Variants in CACNG2 observed in about 807,000 individuals in gnomAD.
The protein encoded by CACNG2 is calcium voltage-gated channel auxiliary subunit gamma 2.
Under a neutral mutation model 25.9 loss-of-function variants are expected in CACNG2, and 3 were observed. That is an observed-to-expected ratio of 0.12 (90% CI 0.05 to 0.30). The LOEUF is 0.30. Among genes scored for constraint, CACNG2 ranks in the 10% least tolerant of loss-of-function variants. The pLI is 1.00. For missense variants in CACNG2, 341 were observed against 432.5 expected (o/e 0.79, Z 1.88); for synonymous variants, 167 against 173.3 (o/e 0.96, Z 0.29).
At chr22:36,644,039 G>A (rs566260289) in intron 1 of CACNG2, among the ~76,000 whole-genome samples, 3 of 152,244 alleles carry the variant, frequency 2.0e-5, no homozygotes, top group South Asian at 2.1e-4. Context: ...TACATCAATG[G>A]TCCCTCGGTG....
intron 1 of CACNG2, among the ~76,000 whole-genome samples, chr22:36,638,157 C>T (rs897365996): frequency 4.5e-4 from 68 of 152,306 alleles, no homozygotes; most frequent in African/African-American, 1.4e-3. Context: ...GATCTCGCAC[C>T]CACCCATTTC....
At chr22:36,594,636 TGGA>T (rs1217222393) in intron 1 of CACNG2, among the ~76,000 whole-genome samples, 3 of 152,014 alleles carry the variant, frequency 2.0e-5, no homozygotes, top group African/African-American at 7.2e-5. Context: ...TGACACAAAG[TGGA>T]GAAGTCAGCC....
At chr22:36,597,091 C>T (rs1355683925) in intron 1 of CACNG2, among the ~76,000 whole-genome samples, 2 of 152,144 alleles carry the variant, frequency 1.3e-5, no homozygotes, top group African/African-American at 4.8e-5. Context: ...GGCACGATCT[C>T]AGCTCACTGC....
intron 1 of CACNG2, among the ~76,000 whole-genome samples, chr22:36,629,107 C>CT (rs1382463229): frequency 6.6e-6 from 1 of 152,236 alleles, no homozygotes; most frequent in African/African-American, 2.4e-5. Flanking sequence ...AGAATAAGGA[C>CT]TTAGGGGAAC....
chr22:36,690,371 A>AG (rs5845284), intron 1 of CACNG2, among the ~76,000 whole-genome samples: 152,225 of 152,298 alleles, frequency 1, 76,076 homozygotes, highest in Middle Eastern at 1. Flanking sequence ...TTTCCCCCCA[A>AG]GGAACCAAAA....
At chr22:36,610,410 A>T (rs1222188358) in intron 1 of CACNG2, among the ~76,000 whole-genome samples, 1 of 152,228 alleles carries the variant, frequency 6.6e-6, no homozygotes, top group African/African-American at 2.4e-5. Context: ...GGGAGGAATC[A>T]GTCCCCCAGA....
In CACNG2 at chr22:36,679,181, CCTTCCTTCCTTCCTTCCTTTCTTT is replaced by C. The variant is rs1180568965; in HGVS notation, c.211+23161_211+23184del. ...TCCTTCCTTCCTTCCTTCCTTCCTT[CCTTCCTTCCTTCCTTCCTTTCTTT>C]CTTTCTTTCTTTCTTTCTTTCTTTC... is the stretch of plus-strand genomic sequence containing the variant. On this transcript the variant is annotated intron_variant, in intron 1 of 3. Transcript: ENST00000300105. Among the ~76,000 whole-genome samples, 231 of 127,178 alleles carry C rather than the reference CCTTCCTTCCTTCCTTCCTTTCTTT, an allele frequency of 1.8e-3. 1 individual carries two copies. The highest frequency in any genetic ancestry group is 3.7e-3 in the Middle Eastern group (1 of 272). 83.4% of individuals were successfully genotyped at this position (127,178 alleles called of 152,430 possible).
At chr22:36,699,108 T>C (rs1937377546) in intron 1 of CACNG2, among the ~76,000 whole-genome samples, 1 of 152,264 alleles carries the variant, frequency 6.6e-6, no homozygotes, top group South Asian at 2.1e-4. Context: ...AGACTCTTAA[T>C]TCAGCTTTCT....
At chr22:36,673,792 T>C (rs78896200) in intron 1 of CACNG2, among the ~76,000 whole-genome samples, 1,954 of 152,208 alleles carry the variant, frequency 0.013, 22 homozygotes, top group South Asian at 0.025. Flanking sequence ...TACAAAGTAC[T>C]TTACAGTTTA....
At chr22:36,638,636 C>T (rs953182585) in intron 1 of CACNG2, among the ~76,000 whole-genome samples, 21 of 152,174 alleles carry the variant, frequency 1.4e-4, no homozygotes, top group Admixed American at 1.3e-3. Flanking sequence ...CTCTTTAGTA[C>T]CCTGCACTCT....
chr22:36,564,502 C>A lies in CACNG2; in HGVS notation c.821G>T (p.Ser274Ile). 7.4e-6 allele frequency: 12 copies of A among 1,614,084 alleles called. No homozygotes were observed. Among genetic ancestry groups the A allele is most frequent in the Non-Finnish European group, 1.0e-5 (12 of 1,179,988 alleles). The change falls in exon 4 of 4, where the codon AGC (serine) becomes ATC (isoleucine). Residue 274 changes from serine to isoleucine, a missense_variant. Ser to Ile is a moderately radical substitution (Grantham distance 142). Transcript: ENST00000300105. This position sits in a 1 kb window ranked among gnomAD's most constrained non-coding sequence, Gnocchi z 6.7. ...GGTGGCGGCCTTCAGGGGGTCCCTGCTGAGCGTGTACATGGAGATCTCCGT... is the reference window on the plus strand; with the variant it reads ...GGTGGCGGCCTTCAGGGGGTCCCTGATGAGCGTGTACATGGAGATCTCCGT... Reference protein sequence around the residue: ...PSTEISMYTLSRDPLKAATTP... With the variant: ...PSTEISMYTLIRDPLKAATTP...
chr22:36,564,569 C>A lies in CACNG2; in HGVS notation c.754G>T (p.Ala252Ser), dbSNP rs1292241207. Residue 252 changes from alanine to serine, a missense_variant, in exon 4 of 4, where the codon GCC becomes TCC. By Grantham distance (99) the Ala-to-Ser change is moderately conservative. Around this residue, in one of 2 missense-constraint regions of CACNG2, gnomAD observed 172 missense variants for 178.1 expected, o/e 0.97. Transcript: ENST00000300105. The surrounding 1 kb of genome is among the most constrained non-coding windows in gnomAD (Gnocchi z 6.7). Reference protein sequence around the residue: ...RSTEPSHSRDASPVGIKGFNT... With the variant: ...RSTEPSHSRDSSPVGIKGFNT... ...AAGCCCTTGATGCCCACGGGGGAGG[C>A]GTCCCTGGAGTGTGAGGGCTCCGTG... 2 of 1,613,888 alleles carry A rather than the reference C, an allele frequency of 1.2e-6. No homozygotes were observed. Among genetic ancestry groups the A allele is most frequent in the Non-Finnish European group, 1.7e-6 (2 of 1,179,974 alleles).
chr22:36,626,363 T>C (rs1027527458), intron 1 of CACNG2, among the ~76,000 whole-genome samples: 1 of 152,240 alleles, frequency 6.6e-6, no homozygotes, highest in Admixed American at 6.5e-5. Flanking sequence ...CATAACAGCA[T>C]TGACCTACCT....
chr22:36,646,315 T>C (rs1936523767), intron 1 of CACNG2, among the ~76,000 whole-genome samples: 4 of 152,060 alleles, frequency 2.6e-5, no homozygotes, highest in Non-Finnish European at 5.9e-5. Context: ...ACGCCTGGCA[T>C]ACTAAAAAAA....
chr22:36,635,457 A>G (rs1273645287), intron 1 of CACNG2, among the ~76,000 whole-genome samples: 1 of 152,146 alleles, frequency 6.6e-6, no homozygotes, highest in East Asian at 1.9e-4. Flanking sequence ...AACGAGGACA[A>G]AGATGCTTGT....
chr22:36,625,693 G>C (rs149481532), intron 1 of CACNG2, among the ~76,000 whole-genome samples: 40 of 152,256 alleles, frequency 2.6e-4, no homozygotes, highest in African/African-American at 5.5e-4. Context: ...TGGAGAAATC[G>C]TGTTTATCTT....
chr22:36,574,486 G>C (rs1345643094), intron 2 of CACNG2, among the ~76,000 whole-genome samples: 1 of 152,122 alleles, frequency 6.6e-6, no homozygotes, highest in East Asian at 1.9e-4. Context: ...AGTGAGTAGA[G>C]AGTAGGGGAG....
rs1048226025 is a variant in CACNG2, at chr22:36,678,342, G to A, written c.211+24024C>T. 3.3e-5 allele frequency among the ~76,000 whole-genome samples: 5 copies of A among 152,242 alleles called. No homozygotes were observed. The South Asian group carries it at 8.3e-4, about 25-fold the overall frequency. ...GACAGCAAGTCAATGGAATTAGGAG[G>A]AAATGGCCAGAACCTAGTAGCTCAA... On this transcript the variant is annotated intron_variant, in intron 1 of 3. Transcript: ENST00000300105.
At position 36,564,928 on chromosome 22, in the gene CACNG2, G is replaced by A. The variant is rs1357213174; in HGVS notation, c.437-42C>T. 6 of 1,579,358 alleles carry A rather than the reference G, an allele frequency of 3.8e-6. No homozygotes were observed. Among genetic ancestry groups the A allele is most frequent in the Non-Finnish European group, 5.2e-6 (6 of 1,159,206 alleles). On this transcript the variant is annotated intron_variant, in intron 3 of 3. Coordinates refer to ENST00000300105, the MANE Select transcript of CACNG2 (RefSeq NM_006078.5). The surrounding 1 kb of genome is among the most constrained non-coding windows in gnomAD (Gnocchi z 6.7). ...GGCGGGGTGGGGGATCAGAGAGAAG[G>A]ACGTTAGTTTCTCAGGAAGTCGGCC...
Sources: allele counts gnomAD v4.1 joint callset (sites outside exome capture counted in the v4.1 genomes callset), GRCh38; gene constraint gnomAD v4.1.1; regional missense constraint gnomAD v4.1.1; non-coding constraint Gnocchi (gnomAD v3.1); transcripts MANE v1.5; gene names NCBI Gene and HGNC (gene_info 2026-07-23, HGNC 2026-07-21).